PDE1C: variants seen among roughly 807,000 people sequenced by gnomAD.
PDE1C encodes dual specificity calcium/calmodulin-dependent 3',5'-cyclic nucleotide phosphodiesterase 1C.
PDE1C carries 62 observed loss-of-function variants against 93.1 expected under a neutral mutation model. The observed-to-expected ratio is 0.67, with a 90% CI of 0.54 to 0.82. The LOEUF (loss-of-function observed/expected upper bound fraction) is 0.82. PDE1C is among the 40% of genes least tolerant of loss of function. The probability of loss-of-function intolerance (pLI) is 0.00; values close to 1 mark genes in which losing one functional copy is unlikely to be tolerated. For synonymous variants in PDE1C, 325 were observed against 310.1 expected, an observed-to-expected ratio of 1.05 and a Z score of -0.50; for missense variants, 742 against 884.6, an observed-to-expected ratio of 0.84 and a Z score of 2.04.
chr7:32,305,191 C>T (rs988522955), intron 1 of PDE1C, among the ~76,000 whole-genome samples: 1 of 152,212 alleles, frequency 6.6e-6, no homozygotes, highest in Non-Finnish European at 1.5e-5. Context: ...TTCCATGATA[C>T]TTCTGTCAGC....
chr7:31,772,245 C>T (rs753156763), intron 17 of PDE1C, among the ~76,000 whole-genome samples: 14 of 152,122 alleles, frequency 9.2e-5, no homozygotes, highest in African/African-American at 3.1e-4. Flanking sequence ...GGCAGAAAAG[C>T]TGTCCCAATG....
At chr7:32,311,088 A>G (rs1429852119) in intron 1 of PDE1C, among the ~76,000 whole-genome samples, 2 of 152,374 alleles carry the variant, frequency 1.3e-5, no homozygotes, top group Non-Finnish European at 2.9e-5. Flanking sequence ...CCGATCCCAC[A>G]GAAATACAAA....
At chr7:32,088,132 C>A (rs1327460914) in intron 3 of PDE1C, among the ~76,000 whole-genome samples, 1 of 151,980 alleles carries the variant, frequency 6.6e-6, no homozygotes, top group African/African-American at 2.4e-5. Context: ...TACCTTCCAC[C>A]ATTACTGTCT....
chr7:32,077,438 A>G (rs988604528), intron 3 of PDE1C, among the ~76,000 whole-genome samples: 1 of 152,364 alleles, frequency 6.6e-6, no homozygotes, highest in African/African-American at 2.4e-5. Context: ...CTTGATAAAT[A>G]GATATACCGA....
In PDE1C at chr7:32,383,186, G is replaced by A. The variant is rs560068465; in HGVS notation, c.310+44636C>T. Among the ~76,000 whole-genome samples the A allele has an allele frequency of 8.5e-5, 13 of 152,296 alleles. No individual in the cohort carries two copies. The East Asian group carries it at 1.2e-3, about 14-fold the overall frequency. On this transcript the variant is annotated intron_variant, in intron 1 of 1. Coordinates refer to the PDE1C transcript ENST00000672256. ...CTCTTATGCTTACTAAAAATCATAAGAGACTTGCCTGTGACTGAGGTCTGA... is the reference window on the plus strand; with the variant it reads ...CTCTTATGCTTACTAAAAATCATAAAAGACTTGCCTGTGACTGAGGTCTGA...
chr7:31,664,584 T>C, the PDE1C span, among the ~76,000 whole-genome samples: 1 of 152,208 alleles, frequency 6.6e-6, no homozygotes, highest in East Asian at 1.9e-4. Context: ...ATGACGACAA[T>C]TAAGATGCAG....
At chr7:32,043,730 A>T (rs1792148055) in intron 2 of PDE1C, among the ~76,000 whole-genome samples, 1 of 152,296 alleles carries the variant, frequency 6.6e-6, no homozygotes, top group South Asian at 2.1e-4. Context: ...TCCATGTTGC[A>T]GGGACTAAAA....
At chr7:31,724,834 G>C in the PDE1C span, among the ~76,000 whole-genome samples, 1 of 152,132 alleles carries the variant, frequency 6.6e-6, no homozygotes, top group South Asian at 2.1e-4. Context: ...TGTGCGCTAA[G>C]GGTTGCAAAA....
intron 2 of PDE1C, among the ~76,000 whole-genome samples, chr7:32,173,663 C>A (rs558728958): frequency 6.6e-6 from 1 of 152,228 alleles, no homozygotes; most frequent in South Asian, 2.1e-4. Context: ...AGAAGCAGTG[C>A]TAGCTAACAC....
intron 2 of PDE1C, among the ~76,000 whole-genome samples, chr7:31,931,623 T>C (rs1563055514): frequency 6.6e-6 from 1 of 152,206 alleles, no homozygotes; most frequent in Non-Finnish European, 1.5e-5. Context: ...TCCATGCTCA[T>C]GGATAGGAAG....
At chr7:31,843,646 T>C (rs1231976862) in intron 9 of PDE1C, among the ~76,000 whole-genome samples, 3 of 151,926 alleles carry the variant, frequency 2.0e-5, no homozygotes, top group Non-Finnish European at 4.4e-5. Context: ...AACCTTTTCC[T>C]TTTAAGTAGA....
intron 3 of PDE1C, among the ~76,000 whole-genome samples, chr7:32,131,063 T>C (rs1009032421): frequency 1.3e-5 from 2 of 152,148 alleles, no homozygotes; most frequent in African/African-American, 4.8e-5. Flanking sequence ...CAAAGAGTGC[T>C]GGAACTTTCC....
chr7:32,155,464 A>G (rs974764710), intron 3 of PDE1C, among the ~76,000 whole-genome samples: 1 of 152,150 alleles, frequency 6.6e-6, no homozygotes, highest in African/African-American at 2.4e-5. Context: ...TAAGAGGAAA[A>G]CTCTAGAAAG....
At chr7:32,240,045 T>C (rs888188912) in intron 1 of PDE1C, among the ~76,000 whole-genome samples, 2 of 152,184 alleles carry the variant, frequency 1.3e-5, no homozygotes, top group African/African-American at 4.8e-5. Context: ...GCATGCACCA[T>C]GAGTTAGAGG....
the PDE1C span, chr7:31,652,880 A>G: frequency 6.4e-7 from 1 of 1,565,912 alleles, no homozygotes. Flanking sequence ...CCCAGAACAG[A>G]TGTAGCAAGG....
At chr7:32,122,927 C>T (rs1383404418) in intron 3 of PDE1C, among the ~76,000 whole-genome samples, 2 of 152,080 alleles carry the variant, frequency 1.3e-5, no homozygotes, top group Non-Finnish European at 2.9e-5. Flanking sequence ...AATCCAGGAG[C>T]TGGTTTTTAA....
intron 3 of PDE1C, chr7:32,077,893 G>A (rs1796441586): frequency 1.0e-6 from 1 of 985,302 alleles, no homozygotes; most frequent in Non-Finnish European, 1.2e-6. Flanking sequence ...ATGAGGTGGT[G>A]AAGGTCCAAG....
At chr7:32,224,120 C>T (rs1011609822) in intron 1 of PDE1C, among the ~76,000 whole-genome samples, 1 of 152,212 alleles carries the variant, frequency 6.6e-6, no homozygotes, top group African/African-American at 2.4e-5. Flanking sequence ...CACCTGTAAT[C>T]CTAGCACTTT....
chr7:31,782,069 C>T (rs1465794526), intron 16 of PDE1C, among the ~76,000 whole-genome samples: 1 of 152,138 alleles, frequency 6.6e-6, no homozygotes, highest in African/African-American at 2.4e-5. Context: ...CAAAGAGCTC[C>T]ATTGCTGCTA....
Sources: gnomAD v4.1 joint callset for allele counts (sites outside exome capture counted in the v4.1 genomes callset) on GRCh38, gnomAD v4.1.1 for gene constraint, MANE v1.5 for transcripts, NCBI Gene and HGNC (gene_info 2026-07-23, HGNC 2026-07-21) for gene names.